NINL: variants seen among roughly 807,000 people sequenced by gnomAD.
NINL encodes the protein ninein like.
Under a neutral mutation model 160.3 loss-of-function variants are expected in NINL, and 153 were observed. That is an observed-to-expected ratio of 0.95 (90% confidence interval 0.84 to 1.09). The LOEUF is 1.09. NINL is among the 50% of genes least tolerant of loss of function. The probability of loss-of-function intolerance (pLI) is 0.00; values close to 1 mark genes in which losing one functional copy is unlikely to be tolerated. For missense variants in NINL, 1,829 were observed against 1,764.0 expected (o/e 1.04, Z -0.66); for synonymous variants, 800 against 734.8 (o/e 1.09, Z -1.43).
chr20:25,483,737 G>A (rs1211720965), intron 13 of NINL, among the ~76,000 whole-genome samples: 1 of 152,274 alleles, frequency 6.6e-6, no homozygotes, highest in Non-Finnish European at 1.5e-5. Flanking sequence ...GTCCTAACCA[G>A]TATGCTCAGT....
chr20:25,496,755 G>T lies in NINL; in HGVS notation c.1218C>A (p.Asp406Glu). The change falls in exon 10 of 24, where the codon GAC becomes GAA. Residue 406 changes from aspartate (D) to glutamate (E), a missense_variant. Asp to Glu is a conservative substitution (Grantham distance 45). Transcript: ENST00000278886. The part of the protein sequence containing the change: ...LARERDKARQ[D>E]LERAEKRNLE... ...GGTTCCTCTTCTCGGCCCTCTCCAG[G>T]TCCTGCCTTGCCTTGTCACGCTCCC... The T allele has an allele frequency of 2.5e-6, 4 of 1,613,948 alleles. No individual in the cohort carries two copies. The highest frequency in any genetic ancestry group is 3.4e-6 in the Non-Finnish European group (4 of 1,180,014).
chr20:25,533,331 G>A (rs1217748356), intron 1 of NINL, among the ~76,000 whole-genome samples: 1 of 152,114 alleles, frequency 6.6e-6, no homozygotes, highest in African/African-American at 2.4e-5. Flanking sequence ...CCCAGAGAAG[G>A]AAAGAGGAAA....
At chr20:25,534,148 T>C (rs1446185014) in intron 1 of NINL, among the ~76,000 whole-genome samples, 2 of 152,244 alleles carry the variant, frequency 1.3e-5, no homozygotes, top group Non-Finnish European at 2.9e-5. Flanking sequence ...CACTGCAACC[T>C]TGGCCTTATC....
rs201038128 is a variant in NINL, at chr20:25,560,890, G to GA, written c.-12+24564dup. On this transcript the variant is annotated intron_variant, in intron 1 of 23. Coordinates refer to ENST00000278886, the MANE Select transcript of NINL (RefSeq NM_025176.6). The stretch of plus-strand genomic sequence containing the variant: ...AGGTGAAAGAAAGACATTCTCAGAT[G>GA]AAAAAAAACAAGAAAATTTGCCACC... Among the ~76,000 whole-genome samples the GA allele has an allele frequency of 2.5e-3, 377 of 151,586 alleles. 1 individual carries two copies. Among genetic ancestry groups the GA allele is most frequent in the African/African-American group, 8.6e-3 (357 of 41,310 alleles).
intron 13 of NINL, among the ~76,000 whole-genome samples, chr20:25,488,095 C>T (rs776802017): frequency 2.6e-4 from 39 of 152,232 alleles, no homozygotes; most frequent in Non-Finnish European, 4.3e-4. Context: ...CAATCAATCA[C>T]TCTGTGTCAT....
intron 5 of NINL, among the ~76,000 whole-genome samples, chr20:25,508,548 C>G (rs1230962696): frequency 2.0e-5 from 3 of 152,230 alleles, no homozygotes; most frequent in African/African-American, 7.2e-5. Flanking sequence ...GCCACTGACC[C>G]TGCCCACACC....
intron 4 of NINL, among the ~76,000 whole-genome samples, chr20:25,511,968 T>C (rs539400901): frequency 9.2e-5 from 14 of 152,290 alleles, no homozygotes; most frequent in Admixed American, 6.5e-4. Context: ...CAGGAACCTT[T>C]TGGAATCCTT....
chr20:25,532,546 C>A (rs925565189), intron 1 of NINL, among the ~76,000 whole-genome samples: 1 of 152,236 alleles, frequency 6.6e-6, no homozygotes, highest in Admixed American at 6.5e-5. Flanking sequence ...CACCACTTCT[C>A]AAGGCTGCAC....
At chr20:25,491,629 TC>T in intron 10 of NINL, 104 bp from the exon 11 acceptor site, 1 of 1,384,746 alleles carries the variant, frequency 7.2e-7, no homozygotes, top group Non-Finnish European at 9.9e-7. Flanking sequence ...GCCCCTGTCC[TC>T]AGCACGTGCA....
chr20:25,483,701 A>C (rs948168564), intron 13 of NINL, among the ~76,000 whole-genome samples: 2 of 152,264 alleles, frequency 1.3e-5, no homozygotes, highest in Non-Finnish European at 1.5e-5. Flanking sequence ...GGCCAGCTTA[A>C]TTGTGCTCCC....
At chr20:25,580,162 G>A (rs761600612) in intron 1 of NINL, among the ~76,000 whole-genome samples, 61 of 152,162 alleles carry the variant, frequency 4.0e-4, no homozygotes, top group Admixed American at 2.6e-3. Context: ...GTGAAACCCC[G>A]TCTCTACTAA....
chr20:25,500,542 ACCT>A (rs2063846767), intron 8 of NINL, among the ~76,000 whole-genome samples: 1 of 152,010 alleles, frequency 6.6e-6, no homozygotes, highest in African/African-American at 2.4e-5. Context: ...CATTCATCTA[ACCT>A]CCTTGGCCCA....
At chr20:25,581,488 G>A (rs2147211288) in intron 1 of NINL, among the ~76,000 whole-genome samples, 1 of 150,356 alleles carries the variant, frequency 6.7e-6, no homozygotes, top group African/African-American at 2.4e-5. Context: ...ACCATAGAAA[G>A]AATGTGCTCA....
intron 1 of NINL, among the ~76,000 whole-genome samples, chr20:25,578,599 C>T (rs2065141340): frequency 6.6e-6 from 1 of 151,842 alleles, no homozygotes; most frequent in Admixed American, 6.6e-5. Flanking sequence ...CGAGACCATC[C>T]TGGCTAACAC....
intron 13 of NINL, among the ~76,000 whole-genome samples, chr20:25,486,969 G>C (rs545802408): frequency 6.6e-6 from 1 of 152,188 alleles, no homozygotes; most frequent in East Asian, 1.9e-4. Context: ...ACTTCACATC[G>C]ATTGCTCACT....
At chr20:25,557,662 A>G (rs73337343) in intron 1 of NINL, among the ~76,000 whole-genome samples, 13,312 of 152,254 alleles carry the variant, frequency 0.087, 962 homozygotes, top group African/African-American at 0.2. Flanking sequence ...CTCAAAATAA[A>G]GCGAAACTCA....
chr20:25,498,153 C>T, intron 9 of NINL, 57 bp downstream of exon 9: 2 of 1,600,048 alleles, frequency 1.2e-6, no homozygotes, highest in East Asian at 2.2e-5. Context: ...AGACCCCCCT[C>T]CAGGCCCACC....
chr20:25,469,349 A>G (rs1337629606), intron 18 of NINL, among the ~76,000 whole-genome samples: 1 of 67,088 alleles, frequency 1.5e-5, no homozygotes, highest in Non-Finnish European at 2.8e-5. Context: ...CTGTCCCCCG[A>G]CTTTCACTGG....
chr20:25,473,956 G>C (rs189542743), intron 17 of NINL, among the ~76,000 whole-genome samples: 3 of 152,322 alleles, frequency 2.0e-5, no homozygotes, highest in African/African-American at 7.2e-5. Context: ...GGTCTCAGAA[G>C]TAACCAGAGC....
Sources: allele counts gnomAD v4.1 joint callset (sites outside exome capture counted in the v4.1 genomes callset), GRCh38; gene constraint gnomAD v4.1.1; transcripts MANE v1.5; gene names NCBI Gene and HGNC (gene_info 2026-07-23, HGNC 2026-07-21).